Variants in PCDH15 observed in about 807,000 individuals in gnomAD.
PCDH15 encodes the protein protocadherin related 15.
In PCDH15, 129 loss-of-function variants were observed where a neutral mutation model predicts 178.5. That is an observed-to-expected ratio of 0.72 (90% CI 0.63 to 0.84). The LOEUF is 0.84. Ranked by LOEUF, PCDH15 falls within the 40% of genes least tolerant of loss-of-function variation. The probability of loss-of-function intolerance (pLI) is 0.00; values close to 1 mark genes in which losing one functional copy is unlikely to be tolerated. For missense variants in PCDH15, 2,230 were observed against 2,099.9 expected, an observed-to-expected ratio of 1.06 and a Z score of -1.21; for synonymous variants, 800 against 732.0, an observed-to-expected ratio of 1.09 and a Z score of -1.50.
At chr10:54,539,349 G>A (rs1277225564) in intron 2 of PCDH15, among the ~76,000 whole-genome samples, 2 of 152,008 alleles carry the variant, frequency 1.3e-5, no homozygotes, top group East Asian at 1.9e-4. Flanking sequence ...AAATAAAACA[G>A]CTTTTAAACC....
At chr10:54,536,511 C>T (rs1196120046) in intron 2 of PCDH15, among the ~76,000 whole-genome samples, 1 of 151,770 alleles carries the variant, frequency 6.6e-6, no homozygotes, top group Non-Finnish European at 1.5e-5. Context: ...TTCAAATTTT[C>T]TTTTATATTT....
At position 54,736,448 on chromosome 10, in the gene PCDH15, G is replaced by T. The variant is rs1289378560; in HGVS notation, c.-29+64477C>A. ...CTCAGTATTTATAAATGTGCCCCATGCTGCTTTCTTGGTCATGCTATGACC... is the reference window on the plus strand; with the variant it reads ...CTCAGTATTTATAAATGTGCCCCATTCTGCTTTCTTGGTCATGCTATGACC... On this transcript the variant is annotated intron_variant, in intron 1 of 37. Coordinates refer to ENST00000644397, the MANE Select transcript of PCDH15 (RefSeq NM_001384140.1). 1.3e-5 allele frequency among the ~76,000 whole-genome samples: 2 copies of T among 152,092 alleles called. 1 individual carries two copies. Among genetic ancestry groups the T allele is most frequent in the South Asian group, 4.1e-4 (2 of 4,822 alleles).
At chr10:54,550,971 C>A (rs1297390296) in intron 2 of PCDH15, among the ~76,000 whole-genome samples, 1 of 151,630 alleles carries the variant, frequency 6.6e-6, no homozygotes, top group Admixed American at 6.6e-5. Context: ...ACCTGGCAAA[C>A]ATGGCAAAAC....
intron 1 of PCDH15, among the ~76,000 whole-genome samples, chr10:55,170,172 G>T (rs1460087509): frequency 6.6e-6 from 1 of 151,912 alleles, no homozygotes; most frequent in African/African-American, 2.4e-5. Context: ...TTGGTACAGT[G>T]TCTCACTCAC....
chr10:54,766,942 A>C (rs941502399), intron 1 of PCDH15, among the ~76,000 whole-genome samples: 4 of 151,886 alleles, frequency 2.6e-5, no homozygotes, highest in Non-Finnish European at 1.5e-5. Context: ...AAAAACAAAA[A>C]AAAAAATCTA....
At chr10:54,294,694 CAT>C (rs75039185) in intron 8 of PCDH15, among the ~76,000 whole-genome samples, 32,708 of 152,018 alleles carry the variant, frequency 0.22, 3,596 homozygotes, top group Admixed American at 0.24. Flanking sequence ...CAGACACACA[CAT>C]GAGTCAATCT....
intron 3 of PCDH15, among the ~76,000 whole-genome samples, chr10:54,380,956 T>C (rs1949160751): frequency 6.6e-6 from 1 of 151,426 alleles, no homozygotes; most frequent in Non-Finnish European, 1.5e-5. Context: ...ACTCCTGAGT[T>C]CAATGATTGA....
intron 2 of PCDH15, among the ~76,000 whole-genome samples, chr10:54,607,214 G>A (rs2092781625): frequency 1.3e-5 from 2 of 151,854 alleles, no homozygotes; most frequent in South Asian, 4.1e-4. Context: ...TTTACATAAA[G>A]AAAATACAAT....
chr10:54,137,768 C>A (rs530731428), intron 14 of PCDH15, among the ~76,000 whole-genome samples: 1 of 152,310 alleles, frequency 6.6e-6, no homozygotes, highest in Admixed American at 6.5e-5. Flanking sequence ...AAATCTTCTT[C>A]TTTGACAATT....
At chr10:54,503,262 T>TGAGAGA (rs1254847742) in intron 3 of PCDH15, among the ~76,000 whole-genome samples, 3 of 121,240 alleles carry the variant, frequency 2.5e-5, no homozygotes, top group Admixed American at 1.8e-4. Context: ...TGTGTGTGTG[T>TGAGAGA]GTGATTATAT....
chr10:54,150,254 G>A (rs2044387516), intron 14 of PCDH15, among the ~76,000 whole-genome samples: 1 of 152,014 alleles, frequency 6.6e-6, no homozygotes, highest in South Asian at 2.1e-4. Context: ...AAACTATTGA[G>A]GAGGAGGAAA....
At chr10:53,964,131 G>A (rs1041460056) in intron 21 of PCDH15, among the ~76,000 whole-genome samples, 3 of 151,942 alleles carry the variant, frequency 2.0e-5, no homozygotes, top group African/African-American at 7.2e-5. Context: ...CAGATTTTTG[G>A]CTAATAAATT....
At chr10:55,084,338 C>CA (rs1842111086) in intron 2 of PCDH15, among the ~76,000 whole-genome samples, 1 of 151,104 alleles carries the variant, frequency 6.6e-6, no homozygotes, top group Non-Finnish European at 1.5e-5. Flanking sequence ...ACAGTCTCTT[C>CA]AAAAAAAGGT....
At chr10:54,645,426 T>A (rs534009731) in intron 2 of PCDH15, among the ~76,000 whole-genome samples, 12 of 151,424 alleles carry the variant, frequency 7.9e-5, no homozygotes, top group Non-Finnish European at 1.5e-4. Context: ...CACACACGAA[T>A]GAAAAATAGT....
chr10:54,476,271 C>T (rs2078265112), intron 3 of PCDH15, among the ~76,000 whole-genome samples: 1 of 151,898 alleles, frequency 6.6e-6, no homozygotes, highest in Non-Finnish European at 1.5e-5. Flanking sequence ...GCCCCTCATG[C>T]TGCCTGATGT....
In PCDH15 at chr10:54,820,848, C is replaced by T. The variant is rs112338029; in HGVS notation, c.-29+76602G>A. On this transcript the variant is annotated intron_variant, in intron 3 of 5. Coordinates refer to the PCDH15 transcript ENST00000458638. ...ATGAATTATATTAATTCCATTATGG[C>T]AAAAATTACTCAAAATAAAGAAAGG... 3.7e-3 allele frequency among the ~76,000 whole-genome samples: 559 copies of T among 151,998 alleles called. 1 individual carries two copies. The highest frequency in any genetic ancestry group is 0.013 in the African/African-American group (537 of 41,510).
intron 2 of PCDH15, among the ~76,000 whole-genome samples, chr10:55,012,399 G>A (rs1358472736): frequency 6.6e-6 from 1 of 152,030 alleles, no homozygotes; most frequent in African/African-American, 2.4e-5. Context: ...TGTTTTGCCA[G>A]GTTTTATTGT....
Position 54,074,048 on chromosome 10 carries a change from T to C in PCDH15, c.2091+5283A>G, listed in dbSNP as rs934007988. The stretch of plus-strand genomic sequence containing the variant: ...ATTCATCTTTATACTTTGTCTGGTA[T>C]AGAGAATTGACGTCTAGAGTTGCAG... On this transcript the variant is annotated intron_variant, in intron 17 of 37. Coordinates refer to ENST00000644397, the MANE Select transcript of PCDH15 (RefSeq NM_001384140.1). Among the ~76,000 whole-genome samples, 7 of 152,140 alleles carry C rather than the reference T, an allele frequency of 4.6e-5. No homozygotes were observed. The South Asian group carries it at 6.2e-4, about 14-fold the overall frequency.
intron 1 of PCDH15, among the ~76,000 whole-genome samples, chr10:54,708,386 A>G (rs4935120): frequency 0.12 from 18,497 of 152,172 alleles, 1,265 homozygotes; most frequent in African/African-American, 0.17. Flanking sequence ...TTGGACTGTG[A>G]CAAATATGCT....
Sources: gnomAD v4.1 joint callset for allele counts (sites outside exome capture counted in the v4.1 genomes callset) on GRCh38, gnomAD v4.1.1 for gene constraint, MANE v1.5 for transcripts, NCBI Gene and HGNC (gene_info 2026-07-23, HGNC 2026-07-21) for gene names.